Variants in GPR158 observed in about 807,000 individuals in gnomAD.
GPR158 encodes the protein G protein-coupled receptor 158.
GPR158 carries 30 observed loss-of-function variants against 78.2 expected under a neutral mutation model. The observed-to-expected ratio is 0.38, with a 90% confidence interval of 0.29 to 0.52. The LOEUF (loss-of-function observed/expected upper bound fraction) is 0.52. Ranked by LOEUF, GPR158 falls within the 20% of genes least tolerant of loss-of-function variation. GPR158 has a pLI of 0.83. For missense variants in GPR158, 1,463 were observed against 1,523.5 expected, an observed-to-expected ratio of 0.96 and a Z score of 0.66; for synonymous variants, 581 against 591.1, an observed-to-expected ratio of 0.98 and a Z score of 0.25.
intron 2 of GPR158, among the ~76,000 whole-genome samples, chr10:25,310,425 C>T (rs529769566): frequency 1.1e-4 from 16 of 151,848 alleles, no homozygotes; most frequent in South Asian, 4.2e-4. Context: ...TTTGTGTTTT[C>T]GAAAAAATAT....
chr10:25,325,632 G>T (rs948665608), intron 2 of GPR158, among the ~76,000 whole-genome samples: 2 of 152,152 alleles, frequency 1.3e-5, no homozygotes, highest in African/African-American at 4.8e-5. Flanking sequence ...TATCCCAGAA[G>T]TGAGATTACT....
intron 4 of GPR158, among the ~76,000 whole-genome samples, chr10:25,462,033 C>G (rs1047389140): frequency 2.6e-5 from 4 of 152,162 alleles, no homozygotes; most frequent in African/African-American, 9.7e-5. Flanking sequence ...AGCCACCACG[C>G]CAGGCCAGGA....
intron 5 of GPR158, among the ~76,000 whole-genome samples, chr10:25,501,258 A>G (rs1358484806): frequency 6.6e-6 from 1 of 152,146 alleles, no homozygotes; most frequent in Non-Finnish European, 1.5e-5. Flanking sequence ...TGCACTGCGC[A>G]GTCTCACTCG....
At chr10:25,552,023 T>C (rs1194930422) in intron 6 of GPR158, among the ~76,000 whole-genome samples, 1 of 152,178 alleles carries the variant, frequency 6.6e-6, no homozygotes, top group Non-Finnish European at 1.5e-5. Flanking sequence ...TTTCATTTTT[T>C]CTCTTTTGGT....
Position 25,598,999 on chromosome 10 carries a change from G to A in GPR158, c.3373G>A (p.Val1125Ile), listed in dbSNP as rs774499759. ...GAGCGAAGAACTGCCCCCCAAAGCT[G>A]TAGCATCAAAAACAGAGAATGAAAA... ...GQSEELPPKAVASKTENENLN... is the reference protein window; with the variant it reads ...GQSEELPPKAIASKTENENLN... Residue 1125 changes from valine to isoleucine, a missense_variant, in exon 11 of 11, where the codon GTA (valine) becomes ATA (isoleucine). Coordinates refer to ENST00000376351, the MANE Select transcript of GPR158 (RefSeq NM_020752.3). 4.3e-6 allele frequency: 7 copies of A among 1,614,040 alleles called. No individual in the cohort carries two copies. The highest frequency in any genetic ancestry group is 5.9e-6 in the Non-Finnish European group (7 of 1,180,040).
At position 25,456,748 on chromosome 10, in the gene GPR158, A is replaced by C. The variant is rs534302667; in HGVS notation, c.1336-9903A>C. ...TGTGAAGTCTATTGAACTTCTCTAA[A>C]TATAAAGTACATTTTATGTTTTTAA... On this transcript the variant is annotated intron_variant, in intron 4 of 10. Transcript: ENST00000376351. Among the ~76,000 whole-genome samples the C allele has an allele frequency of 4.5e-4, 68 of 152,152 alleles. 1 individual carries two copies. Among genetic ancestry groups the C allele is most frequent in the African/African-American group, 1.4e-3 (56 of 41,378 alleles).
intron 2 of GPR158, among the ~76,000 whole-genome samples, chr10:25,383,473 G>A (rs1243784868): frequency 6.6e-6 from 1 of 152,162 alleles, no homozygotes; most frequent in Non-Finnish European, 1.5e-5. Context: ...ACTTACCTGA[G>A]GCACAAGGGG....
At chr10:25,316,985 A>G (rs913764072) in intron 2 of GPR158, among the ~76,000 whole-genome samples, 13 of 150,650 alleles carry the variant, frequency 8.6e-5, no homozygotes, top group African/African-American at 2.4e-4. Context: ...TAAGGACTTC[A>G]ATTATACATA....
At chr10:25,572,201 G>T (rs1837018046) in intron 6 of GPR158, among the ~76,000 whole-genome samples, 1 of 152,178 alleles carries the variant, frequency 6.6e-6, no homozygotes, top group African/African-American at 2.4e-5. Context: ...CACGCTCAAA[G>T]ACATCCCATT....
chr10:25,184,855 C>T lies in GPR158; in HGVS notation c.902+8533C>T, dbSNP rs79897235. Among the ~76,000 whole-genome samples the T allele has an allele frequency of 2.0e-3, 300 of 152,166 alleles. 7 individuals carry two copies. The East Asian group carries it at 0.049, about 25-fold the overall frequency. Reference sequence around the variant, plus strand: ...AGATAAGCATTTTTTCTTTTTTTCCCGTCAATTGCTTGGAATAAAATGAAG... The same window carrying T: ...AGATAAGCATTTTTTCTTTTTTTCCTGTCAATTGCTTGGAATAAAATGAAG... On this transcript the variant is annotated intron_variant, in intron 1 of 10. Transcript: ENST00000376351.
intron 1 of GPR158, among the ~76,000 whole-genome samples, chr10:25,214,033 C>T (rs1015009903): frequency 3.9e-5 from 6 of 152,122 alleles, no homozygotes; most frequent in Non-Finnish European, 7.3e-5. Context: ...CTCGCTCTAT[C>T]GCCCAGGCTG....
chr10:25,236,679 A>G (rs959442923), intron 2 of GPR158, among the ~76,000 whole-genome samples: 1 of 151,206 alleles, frequency 6.6e-6, no homozygotes, highest in African/African-American at 2.4e-5. Context: ...AGTCATGCTT[A>G]TCCTTTGAGT....
At chr10:25,284,828 C>G (rs1018740773) in intron 2 of GPR158, among the ~76,000 whole-genome samples, 4 of 151,884 alleles carry the variant, frequency 2.6e-5, no homozygotes. Context: ...ATCTTATTTA[C>G]TCAAAGTCTA....
chr10:25,598,055 G>T lies in GPR158; in HGVS notation c.2429G>T (p.Arg810Leu), dbSNP rs752370530. The change falls in exon 11 of 11, where the codon CGA becomes CTA. Residue 810 changes from arginine to leucine, a missense_variant. Physicochemically the swap from Arg to Leu is moderately radical, Grantham distance 102. Transcript: ENST00000376351. Reference protein sequence around the residue: ...GKSKEETLKNRVFSLKKSHST... With the variant: ...GKSKEETLKNLVFSLKKSHST... ...TCCAAGGAGGAGACCCTGAAAAACCGAGTCTTCTCACTCAAGAAATCCCAC... is the reference window on the plus strand; with the variant it reads ...TCCAAGGAGGAGACCCTGAAAAACCTAGTCTTCTCACTCAAGAAATCCCAC... The T allele has an allele frequency of 6.2e-7, 1 of 1,614,040 alleles. No individual in the cohort carries two copies. The highest frequency in any genetic ancestry group is 8.5e-7 in the Non-Finnish European group (1 of 1,180,026).
intron 5 of GPR158, among the ~76,000 whole-genome samples, chr10:25,490,681 C>T (rs1835796097): frequency 1.4e-5 from 2 of 141,530 alleles, no homozygotes; most frequent in African/African-American, 2.7e-5. Context: ...TTTTCTTAAT[C>T]CAGTCTATCA....
chr10:25,453,788 G>A (rs1590833), intron 4 of GPR158, among the ~76,000 whole-genome samples: 28,881 of 152,054 alleles, frequency 0.19, 3,376 homozygotes, highest in African/African-American at 0.32. Context: ...ATAGGTTTGC[G>A]TGTCTGGTTT....
intron 4 of GPR158, among the ~76,000 whole-genome samples, chr10:25,437,502 A>G (rs1335607926): frequency 6.6e-6 from 1 of 152,200 alleles, no homozygotes; most frequent in Admixed American, 6.5e-5. Flanking sequence ...CTGGGATTAC[A>G]GGCATGAGCC....
intron 2 of GPR158, among the ~76,000 whole-genome samples, chr10:25,360,888 C>T (rs142512867): frequency 6.6e-6 from 1 of 152,140 alleles, no homozygotes; most frequent in African/African-American, 2.4e-5. Flanking sequence ...TTCTTCCTAT[C>T]CATGAGCATG....
chr10:25,239,023 TGAGAA>T (rs1250183291), intron 2 of GPR158, among the ~76,000 whole-genome samples: 1 of 152,208 alleles, frequency 6.6e-6, no homozygotes, highest in African/African-American at 2.4e-5. Flanking sequence ...GATTATCTTC[TGAGAA>T]AAGAGCTTCA....
Sources: allele counts gnomAD v4.1 joint callset (sites outside exome capture counted in the v4.1 genomes callset), GRCh38; gene constraint gnomAD v4.1.1; transcripts MANE v1.5; gene names NCBI Gene and HGNC (gene_info 2026-07-23, HGNC 2026-07-21).